The following ZNF365 variants were observed in gnomAD, a reference collection of about 807,000 sequenced individuals.
The protein encoded by ZNF365 is protein ZNF365.
ZNF365 carries 22 observed loss-of-function variants against 35.0 expected under a neutral mutation model. That is an observed-to-expected ratio of 0.63 (90% CI 0.45 to 0.90). The LOEUF is 0.90. Ranked by LOEUF, ZNF365 falls within the 40% of genes least tolerant of loss-of-function variation. ZNF365 has a pLI of 0.00. For synonymous variants in ZNF365, 188 were observed against 196.2 expected (o/e 0.96, Z 0.35); for missense variants, 448 against 500.3 (o/e 0.90, Z 1.00).
At chr10:62,412,827 T>A (rs966776134) in intron 3 of ZNF365, among the ~76,000 whole-genome samples, 2 of 152,128 alleles carry the variant, frequency 1.3e-5, no homozygotes, top group African/African-American at 2.4e-5. Context: ...ATCAATATCA[T>A]GAAAATGGTC....
At chr10:62,388,600 C>T (rs758257255) in intron 3 of ZNF365, 24 bp downstream of exon 3, 4 of 1,612,022 alleles carry the variant, frequency 2.5e-6, no homozygotes, top group African/African-American at 2.7e-5. Context: ...GGCCAGCCAC[C>T]GAGTGTAAGA....
At chr10:62,445,372 A>G (rs1049709529) in intron 3 of ZNF365, among the ~76,000 whole-genome samples, 25 of 151,586 alleles carry the variant, frequency 1.6e-4, no homozygotes, top group Non-Finnish European at 3.4e-4. Context: ...CAATGGTTGA[A>G]CTAGTTTACA....
chr10:62,400,674 C>A lies in ZNF365; in HGVS notation c.*885C>A. The A allele has an allele frequency of 2.0e-6, 2 of 985,686 alleles. No individual in the cohort carries two copies. Among genetic ancestry groups the A allele is most frequent in the Non-Finnish European group, 2.4e-6 (2 of 830,020 alleles). 61.1% of individuals were successfully genotyped at this position (985,686 alleles called of 1,614,324 possible). Reference sequence around the variant, plus strand: ...CATCGTGACCATCCTGGAAGCACTGCGGGTGTCGCCAAGCCCTTTCCTAAG... The same window carrying A: ...CATCGTGACCATCCTGGAAGCACTGAGGGTGTCGCCAAGCCCTTTCCTAAG... On this transcript the variant is annotated 3_prime_UTR_variant, in exon 5 of 5. Coordinates refer to ENST00000395254, the MANE Select transcript of ZNF365 (RefSeq NM_014951.3).
downstream of ZNF365, among the ~76,000 whole-genome samples, chr10:62,405,205 T>C (rs1839887562): frequency 6.6e-6 from 1 of 152,222 alleles, no homozygotes; most frequent in Non-Finnish European, 1.5e-5. Flanking sequence ...TTTCCAGCAC[T>C]GGAAGATAAA....
chr10:62,448,048 G>T (rs1475449023), intron 3 of ZNF365, among the ~76,000 whole-genome samples: 1 of 152,090 alleles, frequency 6.6e-6, no homozygotes, highest in Non-Finnish European at 1.5e-5. Flanking sequence ...TATTACATTT[G>T]CTTTATCTCA....
At position 62,392,699 on chromosome 10, in the gene ZNF365, C is replaced by T. The variant is rs568565563; in HGVS notation, c.924+4123C>T. Among the ~76,000 whole-genome samples, 7 of 152,194 alleles carry T rather than the reference C, an allele frequency of 4.6e-5. No individual in the cohort carries two copies. In the South Asian group the frequency reaches 6.2e-4, roughly 14 times the overall value. ...AGGCTAGAGTGCAGTGGCGTGATCTCGGCTCACTGCAACCTCCACCTCTCG... is the reference window on the plus strand; with the variant it reads ...AGGCTAGAGTGCAGTGGCGTGATCTTGGCTCACTGCAACCTCCACCTCTCG... On this transcript the variant is annotated intron_variant, in intron 3 of 4. Transcript: ENST00000395254.
At chr10:62,392,928 G>A (rs1256893892) in intron 3 of ZNF365, among the ~76,000 whole-genome samples, 3 of 152,090 alleles carry the variant, frequency 2.0e-5, no homozygotes, top group South Asian at 2.1e-4. Flanking sequence ...CACCGCACCC[G>A]GCCCTATGTG....
rs1385521454 is a variant in ZNF365 at position 62,388,467 on chromosome 10, A to G, written c.815A>G (p.Gln272Arg). 6.2e-7 allele frequency: 1 copy of G among 1,614,250 alleles called. No homozygotes were observed. Among genetic ancestry groups the G allele is most frequent in the Non-Finnish European group, 8.5e-7 (1 of 1,180,044 alleles). Residue 272 changes from glutamine to arginine, a missense_variant, in exon 3 of 5, where the codon CAG becomes CGG. Gln to Arg is a conservative substitution (Grantham distance 43). Around this residue, in one of 3 missense-constraint regions of ZNF365, gnomAD observed 362 missense variants for 375.7 expected, o/e 0.96. Transcript: ENST00000395254. ...EKEVQGKARL[Q>R]DFIENLLQRV... ...GAGGTTCAAGGGAAAGCCCGGCTCC[A>G]GGACTTTATTGAGAATCTGTTACAG...
intron 3 of ZNF365, among the ~76,000 whole-genome samples, chr10:62,455,618 TAC>T (rs1270756287): frequency 1.3e-5 from 2 of 151,956 alleles, no homozygotes; most frequent in African/African-American, 4.8e-5. Context: ...ATCTCATATA[TAC>T]ATAGTTTATT....
intron 4 of ZNF365, among the ~76,000 whole-genome samples, chr10:62,461,250 C>T (rs1840842090): frequency 6.6e-6 from 1 of 152,214 alleles, no homozygotes; most frequent in Non-Finnish European, 1.5e-5. Flanking sequence ...TTTCGCAGGG[C>T]GTTCTATCAC....
intron 2 of ZNF365, among the ~76,000 whole-genome samples, chr10:62,387,759 T>C (rs1021185499): frequency 4.6e-5 from 7 of 152,238 alleles, no homozygotes; most frequent in Non-Finnish European, 1.0e-4. Context: ...ACTCATTTGA[T>C]GTGCTGTTTT....
chr10:62,390,098 G>T (rs1166260156), intron 3 of ZNF365, among the ~76,000 whole-genome samples: 2 of 152,042 alleles, frequency 1.3e-5, no homozygotes, highest in African/African-American at 4.8e-5. Context: ...CCAGATGTGA[G>T]GTGAAAAGGC....
chr10:62,477,491 T>A (rs868295033), intron 4 of ZNF365, among the ~76,000 whole-genome samples: 1 of 152,196 alleles, frequency 6.6e-6, no homozygotes, highest in African/African-American at 2.4e-5. Context: ...TGGGATTATA[T>A]CTCCTTCTTT....
chr10:62,411,949 CCAAA>C (rs979794228), intron 3 of ZNF365, among the ~76,000 whole-genome samples: 2 of 151,802 alleles, frequency 1.3e-5, no homozygotes, highest in African/African-American at 4.8e-5. Context: ...AGAACCTAAA[CCAAA>C]CAAACCCCAA....
chr10:62,475,643 C>T (rs1375156310), intron 4 of ZNF365, among the ~76,000 whole-genome samples: 6 of 152,098 alleles, frequency 3.9e-5, no homozygotes, highest in Admixed American at 1.3e-4. Context: ...CGACCAGATC[C>T]GTGGCATAGA....
chr10:62,436,404 GA>G (rs34014581), intron 3 of ZNF365, among the ~76,000 whole-genome samples: 114,454 of 151,706 alleles, frequency 0.75, 43,261 homozygotes, highest in Non-Finnish European at 0.77. Flanking sequence ...ATATTTAGGA[GA>G]AAAAAAAGCC....
At chr10:62,398,856 G>A (rs758923768) in intron 4 of ZNF365, 79 bp downstream of exon 4, 109 of 1,350,350 alleles carry the variant, frequency 8.1e-5, no homozygotes, top group South Asian at 1.2e-4. Flanking sequence ...ATATGAGATC[G>A]TATCTATTTT....
intron 4 of ZNF365, among the ~76,000 whole-genome samples, chr10:62,460,301 G>T (rs1254667078): frequency 2.0e-5 from 3 of 152,160 alleles, no homozygotes; most frequent in African/African-American, 7.2e-5. Context: ...TCTTTTATGT[G>T]CCAGGGATGC....
At chr10:62,437,307 A>G (rs1420598328) in intron 3 of ZNF365, among the ~76,000 whole-genome samples, 1 of 152,214 alleles carries the variant, frequency 6.6e-6, no homozygotes, top group African/African-American at 2.4e-5. Context: ...TCTTTAAAAA[A>G]TGTAGTTTTC....
Sources: gnomAD v4.1 joint callset for allele counts (sites outside exome capture counted in the v4.1 genomes callset) on GRCh38, gnomAD v4.1.1 for gene constraint, gnomAD v4.1.1 regional missense constraint, MANE v1.5 for transcripts, NCBI Gene and HGNC (gene_info 2026-07-23, HGNC 2026-07-21) for gene names.